Variants in EFHD1 observed in about 807,000 individuals in gnomAD.
EFHD1 encodes the protein EF-hand domain family member D1.
In EFHD1, 10 loss-of-function variants were observed where a neutral mutation model predicts 17.2. The ratio of observed to expected loss-of-function variants is 0.58; its 90% CI spans 0.36 to 0.99. EFHD1 has a LOEUF of 0.99. EFHD1 is among the 50% of genes least tolerant of loss of function. EFHD1 has a pLI of 0.01. For synonymous variants in EFHD1, 153 were observed against 142.0 expected, an observed-to-expected ratio of 1.08 and a Z score of -0.55; for missense variants, 310 against 327.5, an observed-to-expected ratio of 0.95 and a Z score of 0.41.
At chr2:232,654,471 AG>A (rs1357335096) in intron 1 of EFHD1, among the ~76,000 whole-genome samples, 27 of 121,990 alleles carry the variant, frequency 2.2e-4, no homozygotes, top group African/African-American at 7.7e-4. Flanking sequence ...CCCAGGGTGG[AG>A]TGCAGTGGCA....
intron 1 of EFHD1, among the ~76,000 whole-genome samples, chr2:232,627,057 TATA>T (rs1225854333): frequency 8.4e-4 from 102 of 120,848 alleles, no homozygotes; most frequent in African/African-American, 3.1e-3. Flanking sequence ...TATATATATA[TATA>T]TATATTTTTT....
chr2:232,664,640 G>A (rs566409440), intron 2 of EFHD1, among the ~76,000 whole-genome samples: 6 of 117,756 alleles, frequency 5.1e-5, no homozygotes, highest in African/African-American at 2.0e-4. Flanking sequence ...TTGAGATGGA[G>A]ACTCGCTCTG....
upstream of EFHD1, among the ~76,000 whole-genome samples, chr2:232,630,283 G>A (rs964337725): frequency 7.2e-5 from 11 of 152,184 alleles, no homozygotes; most frequent in Non-Finnish European, 8.8e-5. Context: ...TCAGGTGCCC[G>A]ACTGGACATC....
intron 1 of EFHD1, among the ~76,000 whole-genome samples, chr2:232,616,387 C>T (rs1431609328): frequency 1.3e-5 from 2 of 152,146 alleles, no homozygotes; most frequent in Non-Finnish European, 2.9e-5. Context: ...CAACCTCCGC[C>T]TCCCGGGTTC....
At chr2:232,630,246 G>A (rs776629230), upstream of EFHD1, among the ~76,000 whole-genome samples, 12 of 152,274 alleles carry the variant, frequency 7.9e-5, no homozygotes, top group South Asian at 2.1e-4. Flanking sequence ...CACCACAGCC[G>A]GCCCAGCAAG....
intron 1 of EFHD1, among the ~76,000 whole-genome samples, chr2:232,620,734 T>G (rs1694004994): frequency 6.6e-6 from 1 of 152,180 alleles, no homozygotes; most frequent in Non-Finnish European, 1.5e-5. Context: ...TGTTCTTAAC[T>G]GAAATTGTAA....
At chr2:232,674,865 G>A (rs1695141562) in intron 3 of EFHD1, among the ~76,000 whole-genome samples, 1 of 152,050 alleles carries the variant, frequency 6.6e-6, no homozygotes, top group Admixed American at 6.6e-5. Flanking sequence ...GGCATAGAGG[G>A]TGAGACGTGT....
At chr2:232,676,595 G>T (rs1695177321) in intron 3 of EFHD1, among the ~76,000 whole-genome samples, 1 of 152,138 alleles carries the variant, frequency 6.6e-6, no homozygotes, top group South Asian at 2.1e-4. Context: ...TAGGCCCCTG[G>T]GCCATGTTGC....
rs528097639 is a variant in EFHD1, at chr2:232,676,961, C to T, written c.585+4518C>T. The stretch of plus-strand genomic sequence containing the variant: ...GTTGCAGTGAGCTATGATCATACCA[C>T]TGGACCACAGCCTGGGCAACAGAGC... On this transcript the variant is annotated intron_variant, in intron 3 of 3. Coordinates refer to ENST00000264059, the MANE Select transcript of EFHD1 (RefSeq NM_025202.4). Among the ~76,000 whole-genome samples, 42 of 152,046 alleles carry T rather than the reference C, an allele frequency of 2.8e-4. No individual in the cohort carries two copies. In the South Asian group the frequency reaches 6.9e-3, roughly 25 times the overall value.
At chr2:232,631,169 G>A (rs1694194092), upstream of EFHD1, among the ~76,000 whole-genome samples, 1 of 152,082 alleles carries the variant, frequency 6.6e-6, no homozygotes. Flanking sequence ...AGAGGTTGCA[G>A]TGAGCCGAGA....
intron 1 of EFHD1, among the ~76,000 whole-genome samples, chr2:232,659,607 C>G (rs1260435840): frequency 6.6e-6 from 1 of 152,130 alleles, no homozygotes; most frequent in Non-Finnish European, 1.5e-5. Flanking sequence ...TGCCCACAGG[C>G]TACATTTCTT....
intron 1 of EFHD1, among the ~76,000 whole-genome samples, chr2:232,657,474 A>T (rs1694783273): frequency 6.6e-6 from 1 of 152,098 alleles, no homozygotes; most frequent in Non-Finnish European, 1.5e-5. Context: ...TGGGCATTTG[A>T]GTTGTTTCTA....
chr2:232,655,763 A>T (rs1311775032), intron 1 of EFHD1, among the ~76,000 whole-genome samples: 1 of 145,670 alleles, frequency 6.9e-6, no homozygotes, highest in Admixed American at 6.8e-5. Context: ...GCCAGATCCC[A>T]CTTGTTCCTT....
intron 1 of EFHD1, among the ~76,000 whole-genome samples, chr2:232,655,802 C>CTT (rs66762860): frequency 0.01 from 1,356 of 133,084 alleles, 21 homozygotes; most frequent in African/African-American, 0.032. Flanking sequence ...TGTGTGGGGT[C>CTT]TTTTTTTTTT....
chr2:232,633,391 G>A (rs1694240188), upstream of EFHD1: 2 of 1,103,438 alleles, frequency 1.8e-6, no homozygotes, highest in South Asian at 3.7e-5. Flanking sequence ...CTGGTCCCGG[G>A]GGGACGGTCA....
chr2:232,636,800 G>A (rs1195520433), intron 1 of EFHD1, among the ~76,000 whole-genome samples: 1 of 152,216 alleles, frequency 6.6e-6, no homozygotes, highest in East Asian at 1.9e-4. Context: ...TCTAGCCTGG[G>A]CAACAGAGTG....
At chr2:232,669,048 A>G (rs1194354391) in intron 2 of EFHD1, among the ~76,000 whole-genome samples, 1 of 152,126 alleles carries the variant, frequency 6.6e-6, no homozygotes, top group Non-Finnish European at 1.5e-5. Flanking sequence ...TGTGAAGGAA[A>G]TGATTTAAGG....
chr2:232,631,691 T>TAAAAAAAAA (rs34689384), upstream of EFHD1, among the ~76,000 whole-genome samples: 59 of 115,734 alleles, frequency 5.1e-4, 2 homozygotes, highest in African/African-American at 7.2e-4. Context: ...ATAAGAACAT[T>TAAAAAAAAA]AAAAAAAAAA....
At chr2:232,634,063 T>A in intron 1 of EFHD1, 57 bp downstream of exon 1, 1 of 1,586,634 alleles carries the variant, frequency 6.3e-7, no homozygotes, top group Non-Finnish European at 8.5e-7. Flanking sequence ...CGGGAGGGCT[T>A]TCTGGTCCGA....
Sources: allele counts gnomAD v4.1 joint callset (sites outside exome capture counted in the v4.1 genomes callset), GRCh38; gene constraint gnomAD v4.1.1; transcripts MANE v1.5; gene names NCBI Gene and HGNC (gene_info 2026-07-23, HGNC 2026-07-21).